OR52N5: variants seen among roughly 807,000 people sequenced by gnomAD.
OR52N5 encodes olfactory receptor 52N5.
OR52N5 carries 10 observed loss-of-function variants against 14.1 expected under a neutral mutation model. That is an observed-to-expected ratio of 0.71 (90% confidence interval 0.44 to 1.20). The LOEUF (loss-of-function observed/expected upper bound fraction) is 1.20. Among genes scored for constraint, OR52N5 ranks in the 50% most tolerant of loss-of-function variants. The pLI is 0.00. For missense variants in OR52N5, 361 were observed against 403.2 expected, an observed-to-expected ratio of 0.90 and a Z score of 0.90; for synonymous variants, 116 against 143.0, an observed-to-expected ratio of 0.81 and a Z score of 1.35.
rs1854498226 is a variant in OR52N5 at position 5,776,922 on chromosome 11, C to A, written c.*738G>T. On this transcript the variant is annotated 3_prime_UTR_variant, in exon 3 of 3. Transcript: ENST00000641181. ...TGTTGTTCTCATTTATATGTGGGAG[C>A]TAAAAAGGTGGATCTCAAGGAGATA... is the stretch of plus-strand genomic sequence containing the variant. 7.2e-6 allele frequency: 1 copy of A among 138,364 alleles called. No homozygotes were observed. The allele number at this position is 138,364 out of a possible 1,614,324, so 8.6% of individuals were successfully genotyped here. A position where few individuals can be genotyped will look rare whatever the true frequency, so the allele number is the denominator to read the frequency against.
chr11:5,780,883 T>A (rs1367617528), intron 2 of OR52N5, among the ~76,000 whole-genome samples: 1 of 140,028 alleles, frequency 7.1e-6, no homozygotes, highest in African/African-American at 2.6e-5. Flanking sequence ...TCATACCACA[T>A]ACAAAAATCA....
In OR52N5 at chr11:5,779,835, T is replaced by G. The variant is rs528542727; in HGVS notation, c.-23-1178A>C. On this transcript the variant is annotated intron_variant, in intron 2 of 2. Transcript: ENST00000641181. ...TACCTAAACTAGTGTATTTATGATC[T>G]TCCCTGGTATTTCTCCACCTCATCT... 4.3e-5 allele frequency among the ~76,000 whole-genome samples: 6 copies of G among 139,830 alleles called. 1 individual carries two copies. In the South Asian group the frequency reaches 1.4e-3, roughly 33 times the overall value. 91.7% of individuals were successfully genotyped at this position (139,830 alleles called of 152,430 possible). A position where few individuals can be genotyped will look rare whatever the true frequency, so the allele number is the denominator to read the frequency against.
In OR52N5 at chr11:5,777,796, G is replaced by C. The variant is rs150823468; in HGVS notation, c.839C>G (p.Pro280Arg). The change falls in exon 3 of 3, where the codon CCT (proline) becomes CGT (arginine). Residue 280 changes from proline (P) to arginine (R), a missense_variant. Physicochemically the swap from Pro to Arg is moderately radical, Grantham distance 103 (BLOSUM62 -2). Coordinates refer to ENST00000641181, the MANE Select transcript of OR52N5 (RefSeq NM_001385662.1). Reference sequence around the variant, plus strand: ...ATTAGCCACAATGATGTGAAGAGAAGGGGGAATTGTGTGTCCCCCAAAACG... The same window carrying C: ...ATTAGCCACAATGATGTGAAGAGAACGGGGAATTGTGTGTCCCCCAAAACG... The part of the protein sequence containing the change: ...AHRFGGHTIP[P>R]SLHIIVANLY... 1 of 1,520,866 alleles carries C rather than the reference G, an allele frequency of 6.6e-7. No homozygotes were observed. Among genetic ancestry groups the C allele is most frequent in the African/African-American group, 1.4e-5 (1 of 70,026 alleles). 94.2% of individuals were successfully genotyped at this position (1,520,866 alleles called of 1,614,324 possible).
chr11:5,780,190 TA>T (rs1854537768), intron 2 of OR52N5, among the ~76,000 whole-genome samples: 1 of 140,042 alleles, frequency 7.1e-6, no homozygotes, highest in African/African-American at 2.6e-5. Flanking sequence ...TGACATTTAA[TA>T]AAAGGAAATT....
In OR52N5 at chr11:5,778,349, A is replaced by C. The variant is rs1854517706; in HGVS notation, c.286T>G (p.Phe96Val). 1 of 1,520,356 alleles carries C rather than the reference A, an allele frequency of 6.6e-7. No homozygotes were observed. The highest frequency in any genetic ancestry group is 1.4e-5 in the African/African-American group (1 of 69,846). 94.2% of individuals were successfully genotyped at this position (1,520,356 alleles called of 1,614,324 possible). A position where few individuals can be genotyped will look rare whatever the true frequency, so the allele number is the denominator to read the frequency against. The change falls in exon 3 of 3, where the codon TTC (phenylalanine) becomes GTC (valine). Residue 96 changes from phenylalanine (F) to valine (V), a missense_variant. Transcript: ENST00000641181. ...TLPNALCIFW[F>V]SLKEINFNAC... ...TTGAAGTTAATTTCTTTGAGACTGA[A>C]CCAGAAGATGCAGAGTGCATTGGGT...
rs1177543190 is a variant in OR52N5 at position 5,777,049 on chromosome 11, A to G, written c.*611T>C. The G allele has an allele frequency of 1.4e-5, 2 of 139,780 alleles. No homozygotes were observed. The highest frequency in any genetic ancestry group is 7.4e-5 in the Admixed American group (1 of 13,510). The allele number at this position is 139,780 out of a possible 1,614,324, so 8.7% of individuals were successfully genotyped here. A position where few individuals can be genotyped will look rare whatever the true frequency, so the allele number is the denominator to read the frequency against. On this transcript the variant is annotated 3_prime_UTR_variant, in exon 3 of 3. Transcript: ENST00000641181. ...CTAAAATACAGTTAAAAAGAATAAG[A>G]CATAGTGTTCAATAGTACAGTGGAT...
At position 5,777,860 on chromosome 11, in the gene OR52N5, T is replaced by C; in HGVS notation, c.775A>G (p.Ile259Val). 1 of 1,520,018 alleles carries C rather than the reference T, an allele frequency of 6.6e-7. No individual in the cohort carries two copies. Among genetic ancestry groups the C allele is most frequent in the Non-Finnish European group, 9.0e-7 (1 of 1,113,586 alleles). The allele number at this position is 1,520,018 out of a possible 1,614,324, so 94.2% of individuals were successfully genotyped here. A position where few individuals can be genotyped will look rare whatever the true frequency, so the allele number is the denominator to read the frequency against. ...TCTAHISAII[I>V]TYVPAFFTFF... is the part of the protein sequence containing the mutation. ...GTGAAGAATGCTGGAACATAGGTGA[T>C]GATGATGGCAGATATATGGGCAGTG... The change falls in exon 3 of 3, where the codon ATC (isoleucine) becomes GTC (valine). Residue 259 changes from isoleucine (I) to valine (V), a missense_variant. By Grantham distance (29) the Ile-to-Val change is conservative. Coordinates refer to ENST00000641181, the MANE Select transcript of OR52N5 (RefSeq NM_001385662.1).
At position 5,778,413 on chromosome 11, in the gene OR52N5, A is replaced by G; in HGVS notation, c.222T>C (p.Ala74=). 6.6e-7 allele frequency: 1 copy of G among 1,518,458 alleles called. No individual in the cohort carries two copies. The highest frequency in any genetic ancestry group is 9.0e-7 in the Non-Finnish European group (1 of 1,113,234). The allele number at this position is 1,518,458 out of a possible 1,614,324, so 94.1% of individuals were successfully genotyped here. A position where few individuals can be genotyped will look rare whatever the true frequency, so the allele number is the denominator to read the frequency against. Reference sequence around the variant, plus strand: ...AGGTAAGGAGGTCAATGAGGGAGAGAGCATGGCCAAAAAAAAAATACATCG... The same window carrying G: ...AGGTAAGGAGGTCAATGAGGGAGAGGGCATGGCCAAAAAAAAAATACATCG... ...HHPMYFFFGH[A]LSLIDLLTCT... Residue 74 remains alanine (A), a synonymous_variant, in exon 3 of 3, where the codon GCT becomes GCC. Transcript: ENST00000641181.
intron 2 of OR52N5, 106 bp from the exon 3 acceptor site, chr11:5,778,763 T>A (rs1261709523): frequency 1.7e-6 from 1 of 586,842 alleles, no homozygotes; most frequent in Non-Finnish European, 2.9e-6. Context: ...CAATTATACA[T>A]AAGTGACTAT....
In OR52N5 at chr11:5,783,322, A is replaced by G. The variant is rs1854562434; in HGVS notation, c.-275T>C. 7.1e-6 allele frequency: 1 copy of G among 139,864 alleles called. No individual in the cohort carries two copies. Among genetic ancestry groups the G allele is most frequent in the Non-Finnish European group, 1.6e-5 (1 of 63,266 alleles). 8.7% of individuals were successfully genotyped at this position (139,864 alleles called of 1,614,324 possible). A position where few individuals can be genotyped will look rare whatever the true frequency, so the allele number is the denominator to read the frequency against. On this transcript the variant is annotated 5_prime_UTR_variant, in exon 1 of 3. Coordinates refer to ENST00000641181, the MANE Select transcript of OR52N5 (RefSeq NM_001385662.1). ...ACAATATAGCTCCTGAGGAGAAGTGATGTGAAAGGTGTTCATGCCAGGGAG... is the reference window on the plus strand; with the variant it reads ...ACAATATAGCTCCTGAGGAGAAGTGGTGTGAAAGGTGTTCATGCCAGGGAG...
At position 5,777,441 on chromosome 11, in the gene OR52N5, T is replaced by A. The variant is rs950781423; in HGVS notation, c.*219A>T. On this transcript the variant is annotated 3_prime_UTR_variant, in exon 3 of 3. Coordinates refer to ENST00000641181, the MANE Select transcript of OR52N5 (RefSeq NM_001385662.1). ...TCAATTTAAATAAATTGAGTTAAAC[T>A]CATTTTTTAAAAACTGGCAATAGAC... 2 of 316,628 alleles carry A rather than the reference T, an allele frequency of 6.3e-6. No homozygotes were observed. The highest frequency in any genetic ancestry group is 4.6e-5 in the African/African-American group (2 of 43,502). 19.6% of individuals were successfully genotyped at this position (316,628 alleles called of 1,614,324 possible). A position where few individuals can be genotyped will look rare whatever the true frequency, so the allele number is the denominator to read the frequency against.
chr11:5,778,365 T>C lies in OR52N5; in HGVS notation c.270A>G (p.Ala90=). The part of the protein sequence containing the change: ...LLTCTTTLPN[A]LCIFWFSLKE... ...TGAGACTGAACCAGAAGATGCAGAG[T>C]GCATTGGGTAGAGTGGTGGTGCAGG... Residue 90 remains alanine, a synonymous_variant, in exon 3 of 3, where the codon GCA becomes GCG. Transcript: ENST00000641181. 1.3e-6 allele frequency: 2 copies of C among 1,518,504 alleles called. No individual in the cohort carries two copies. Among genetic ancestry groups the C allele is most frequent in the South Asian group, 1.2e-5 (1 of 85,742 alleles). The allele number at this position is 1,518,504 out of a possible 1,614,324, so 94.1% of individuals were successfully genotyped here.
rs1328863885 is a variant in OR52N5, at chr11:5,781,659, G to A, written c.-150C>T. Reference sequence around the variant, plus strand: ...TCCAGTATCTGGTGAAGGGTGGAGTGATTGATCCTATCACTGTTGCATCCT... The same window carrying A: ...TCCAGTATCTGGTGAAGGGTGGAGTAATTGATCCTATCACTGTTGCATCCT... On this transcript the variant is annotated 5_prime_UTR_variant, in exon 2 of 3. Coordinates refer to ENST00000641181, the MANE Select transcript of OR52N5 (RefSeq NM_001385662.1). The A allele has an allele frequency of 1.4e-5, 2 of 140,202 alleles. 1 individual carries two copies. The highest frequency in any genetic ancestry group is 3.2e-5 in the Non-Finnish European group (2 of 63,358). The allele number at this position is 140,202 out of a possible 1,614,324, so 8.7% of individuals were successfully genotyped here.
At chr11:5,781,399 A>C (rs1854548088) in intron 2 of OR52N5, 134 bp downstream of exon 2, 2 of 139,806 alleles carry the variant, frequency 1.4e-5, no homozygotes, top group South Asian at 2.4e-4. Context: ...AGGAGAAGGT[A>C]ATTTGGTTAC....
rs761716065 is a variant in OR52N5, at chr11:5,778,411, A to G, written c.224T>C (p.Leu75Pro). Reference protein sequence around the residue: ...HPMYFFFGHALSLIDLLTCTT... With the variant: ...HPMYFFFGHAPSLIDLLTCTT... The stretch of plus-strand genomic sequence containing the variant: ...GCAGGTAAGGAGGTCAATGAGGGAG[A>G]GAGCATGGCCAAAAAAAAAATACAT... Residue 75 changes from leucine (L) to proline (P), a missense_variant, in exon 3 of 3, where the codon CTC (leucine) becomes CCC (proline). Coordinates refer to ENST00000641181, the MANE Select transcript of OR52N5 (RefSeq NM_001385662.1). The G allele has an allele frequency of 6.8e-5, 104 of 1,518,722 alleles. 17 individuals carry two copies. In the East Asian group the frequency reaches 2.4e-3, roughly 35 times the overall value. 94.1% of individuals were successfully genotyped at this position (1,518,722 alleles called of 1,614,324 possible). A position where few individuals can be genotyped will look rare whatever the true frequency, so the allele number is the denominator to read the frequency against.
rs1160840314 is a variant in OR52N5 at position 5,778,464 on chromosome 11, A to T, written c.171T>A (p.Ile57=). Residue 57 remains isoleucine, a synonymous_variant, in exon 3 of 3, where the codon ATT becomes ATA. Transcript: ENST00000641181. ...LVGNLGLVYL[I]YYEESLHHPM... is the part of the protein sequence containing the mutation. ...GATGATGTAAGGACTCCTCATAATA[A>T]ATGAGGTACACAAGACCAAGATTCC... The T allele has an allele frequency of 6.6e-7, 1 of 1,513,560 alleles. No individual in the cohort carries two copies. Among genetic ancestry groups the T allele is most frequent in the Admixed American group, 1.8e-5 (1 of 55,454 alleles). The allele number at this position is 1,513,560 out of a possible 1,614,324, so 93.8% of individuals were successfully genotyped here. A position where few individuals can be genotyped will look rare whatever the true frequency, so the allele number is the denominator to read the frequency against.
At chr11:5,780,530 G>A (rs766361081) in intron 2 of OR52N5, among the ~76,000 whole-genome samples, 1 of 137,892 alleles carries the variant, frequency 7.3e-6, no homozygotes, top group Non-Finnish European at 1.6e-5. Context: ...TAGATTAACT[G>A]AGGGGGGAAA....
At chr11:5,781,395 A>T (rs1444238955) in intron 2 of OR52N5, 138 bp downstream of exon 2, 1 of 139,952 alleles carries the variant, frequency 7.1e-6, no homozygotes, top group Non-Finnish European at 1.6e-5. Flanking sequence ...TCAAAGGAGA[A>T]GGTAATTTGG....
In OR52N5 at chr11:5,778,210, G is replaced by T; in HGVS notation, c.425C>A (p.Ala142Asp). 1 of 1,520,204 alleles carries T rather than the reference G, an allele frequency of 6.6e-7. No individual in the cohort carries two copies. The highest frequency in any genetic ancestry group is 9.0e-7 in the Non-Finnish European group (1 of 1,113,624). 94.2% of individuals were successfully genotyped at this position (1,520,204 alleles called of 1,614,324 possible). A position where few individuals can be genotyped will look rare whatever the true frequency, so the allele number is the denominator to read the frequency against. Residue 142 changes from alanine (A) to aspartate (D), a missense_variant, in exon 3 of 3, where the codon GCT becomes GAT. Ala to Asp is a moderately radical substitution (Grantham distance 126). Coordinates refer to ENST00000641181, the MANE Select transcript of OR52N5 (RefSeq NM_001385662.1). ...AATGATAGGGTTGGTGAGTGTGGTA[G>T]CATAACGCAAAGGGTAGCAAATGGC... Reference protein sequence around the residue: ...YVAICYPLRYATTLTNPIIAK... With the variant: ...YVAICYPLRYDTTLTNPIIAK...
Sources: gnomAD v4.1 joint callset for allele counts (sites outside exome capture counted in the v4.1 genomes callset) on GRCh38, gnomAD v4.1.1 for gene constraint, MANE v1.5 for transcripts, NCBI Gene and HGNC (gene_info 2026-07-23, HGNC 2026-07-21) for gene names.